The following LIPC variants were observed in gnomAD, a reference collection of about 807,000 sequenced individuals.
LIPC encodes the protein lipase C, hepatic type.
In LIPC, 44 loss-of-function variants were observed where a neutral mutation model predicts 50.7. The ratio of observed to expected loss-of-function variants is 0.87; its 90% CI spans 0.68 to 1.11. LIPC has a LOEUF of 1.11. Among genes scored for constraint, LIPC ranks in the 50% most tolerant of loss-of-function variants. The pLI, the probability that LIPC is intolerant of heterozygous loss-of-function variation, is 0.00. For missense variants in LIPC, 697 were observed against 648.2 expected (o/e 1.08, Z -0.82); for synonymous variants, 271 against 256.4 (o/e 1.06, Z -0.54).
At chr15:58,526,328 A>T (rs530223913) in intron 1 of LIPC, among the ~76,000 whole-genome samples, 1 of 152,368 alleles carries the variant, frequency 6.6e-6, no homozygotes, top group Non-Finnish European at 1.5e-5. Context: ...TTTTGCAGTC[A>T]GACTGATTTC....
chr15:58,473,761 C>G (rs1396134137), intron 1 of LIPC: 2 of 152,320 alleles, frequency 1.3e-5, no homozygotes, highest in Non-Finnish European at 2.9e-5. Flanking sequence ...GGTTACACAG[C>G]TGGGAAGGGA....
intron 6 of LIPC, among the ~76,000 whole-genome samples, chr15:58,558,612 G>T (rs558527500): frequency 5.8e-4 from 3 of 5,178 alleles, no homozygotes; most frequent in Non-Finnish European, 3.1e-3. Context: ...TCATAGCAGC[G>T]CAAACCCTAT....
At chr15:58,454,725 C>A (rs1305607493) in intron 1 of LIPC, 4 of 152,226 alleles carry the variant, frequency 2.6e-5, no homozygotes, top group African/African-American at 9.6e-5. Flanking sequence ...CCCTCCCATG[C>A]CCTTACCACG....
chr15:58,463,533 T>C (rs1894428329), intron 1 of LIPC, among the ~76,000 whole-genome samples: 1 of 152,172 alleles, frequency 6.6e-6, no homozygotes, highest in African/African-American at 2.4e-5. Flanking sequence ...ACCCACCATT[T>C]TGCCCCAAAC....
rs528875126 is a variant in LIPC at position 58,466,827 on chromosome 15, A to G, written c.88+34707A>G. On this transcript the variant is annotated intron_variant, in intron 1 of 8. Coordinates refer to ENST00000299022, the MANE Select transcript of LIPC (RefSeq NM_000236.3). ...TTCTTCTCTTTGCAGGTCATATGAA[A>G]TGCTCACACAGTACTTACTGTAATC... 5.4e-4 allele frequency among the ~76,000 whole-genome samples: 82 copies of G among 152,304 alleles called. 1 individual carries two copies. In the South Asian group the frequency reaches 0.016, roughly 30 times the overall value.
At chr15:58,559,562 T>G (rs1894079065) in intron 6 of LIPC, among the ~76,000 whole-genome samples, 2 of 152,112 alleles carry the variant, frequency 1.3e-5, no homozygotes, top group Admixed American at 6.6e-5. Flanking sequence ...ACATGCCGTA[T>G]TAAACCTGTT....
At chr15:58,468,258 C>T (rs1181414013) in intron 1 of LIPC, among the ~76,000 whole-genome samples, 3 of 152,184 alleles carry the variant, frequency 2.0e-5, no homozygotes, top group African/African-American at 7.2e-5. Context: ...CAGACCCTTG[C>T]TCTCTCTGCT....
intron 1 of LIPC, among the ~76,000 whole-genome samples, chr15:58,464,820 A>T (rs1421581950): frequency 6.6e-6 from 1 of 152,156 alleles, no homozygotes; most frequent in East Asian, 1.9e-4. Flanking sequence ...TAAAAATACA[A>T]AAGTTAGCTG....
At chr15:58,433,113 CTAAT>C (rs1232418258) in intron 1 of LIPC, among the ~76,000 whole-genome samples, 1 of 152,170 alleles carries the variant, frequency 6.6e-6, no homozygotes, top group East Asian at 1.9e-4. Flanking sequence ...AAGCACTATA[CTAAT>C]TATTTTTGAC....
At chr15:58,465,867 C>T (rs1420059431) in intron 1 of LIPC, among the ~76,000 whole-genome samples, 5 of 152,172 alleles carry the variant, frequency 3.3e-5, no homozygotes, top group African/African-American at 1.2e-4. Flanking sequence ...ACGTGGGAAA[C>T]TAGGGAGACA....
At chr15:58,439,280 C>T (rs146875538) in intron 1 of LIPC, among the ~76,000 whole-genome samples, 5 of 152,110 alleles carry the variant, frequency 3.3e-5, no homozygotes, top group African/African-American at 1.2e-4. Context: ...TTTGTCTCTT[C>T]CCCTCTTTAT....
intron 1 of LIPC, among the ~76,000 whole-genome samples, chr15:58,480,350 A>AGCG (rs1185935422): frequency 6.6e-6 from 1 of 152,214 alleles, no homozygotes; most frequent in Non-Finnish European, 1.5e-5. Flanking sequence ...GCTGGAGAGC[A>AGCG]GCGGCGCAAT....
At chr15:58,483,019 C>G (rs1359503406) in intron 1 of LIPC, among the ~76,000 whole-genome samples, 1 of 152,190 alleles carries the variant, frequency 6.6e-6, no homozygotes, top group East Asian at 1.9e-4. Context: ...GAAAGCATAG[C>G]TGGCTGAGTC....
chr15:58,514,942 C>T (rs574657924), intron 1 of LIPC, among the ~76,000 whole-genome samples: 1 of 152,274 alleles, frequency 6.6e-6, no homozygotes, highest in East Asian at 1.9e-4. Context: ...GTCAAAAGTC[C>T]TAAAATTAAG....
Position 58,538,424 on chromosome 15 carries a change from G to C in LIPC, c.180G>C (p.Gln60His). Residue 60 changes from glutamine (Q) to histidine (H), a missense_variant, in exon 2 of 9, where the codon CAG becomes CAC. Gln to His is a conservative substitution (Grantham distance 24, BLOSUM62 0). Transcript: ENST00000299022. ...TRFLLFGETNQGCQIRINHPD... is the reference protein window; with the variant it reads ...TRFLLFGETNHGCQIRINHPD... ...TCCTGCTCTTTGGAGAAACCAATCA[G>C]GGCTGTCAGATTCGAATCAATCATC... The C allele has an allele frequency of 6.2e-7, 1 of 1,614,182 alleles. No homozygotes were observed. Among genetic ancestry groups the C allele is most frequent in the African/African-American group, 1.3e-5 (1 of 75,032 alleles).
chr15:58,527,180 G>A (rs1364262870), intron 1 of LIPC, among the ~76,000 whole-genome samples: 1 of 152,230 alleles, frequency 6.6e-6, no homozygotes, highest in Non-Finnish European at 1.5e-5. Context: ...ACTTAGATGT[G>A]CGGAGAAATC....
rs564651081 is a variant in LIPC at position 58,549,880 on chromosome 15, G to A, written c.1051+1308G>A. On this transcript the variant is annotated intron_variant, in intron 6 of 8. Transcript: ENST00000299022. ...GGGAATTTGGAAGTCCTCCTGCTTC[G>A]GGGAGCTCCTCCGCTGCAGGCTGCC... 5.3e-5 allele frequency among the ~76,000 whole-genome samples: 8 copies of A among 152,330 alleles called. 1 individual carries two copies. The highest frequency in any genetic ancestry group is 4.1e-4 in the South Asian group (2 of 4,826).
At chr15:58,498,355 T>C (rs929350275) in intron 1 of LIPC, among the ~76,000 whole-genome samples, 9 of 152,292 alleles carry the variant, frequency 5.9e-5, no homozygotes, top group Admixed American at 5.2e-4. Flanking sequence ...TTGCCGCTGC[T>C]GGTCCGAGGC....
At chr15:58,465,035 G>A (rs992451740) in intron 1 of LIPC, among the ~76,000 whole-genome samples, 1 of 152,194 alleles carries the variant, frequency 6.6e-6, no homozygotes, top group African/African-American at 2.4e-5. Flanking sequence ...CTCATCTAAA[G>A]TCCGAATAAA....
Sources: allele counts gnomAD v4.1 joint callset (sites outside exome capture counted in the v4.1 genomes callset), GRCh38; gene constraint gnomAD v4.1.1; transcripts MANE v1.5; gene names NCBI Gene and HGNC (gene_info 2026-07-23, HGNC 2026-07-21).